Variants in DHRS7 observed in about 807,000 individuals in gnomAD.
DHRS7 encodes the protein dehydrogenase/reductase SDR family member 7.
DHRS7 carries 34 observed loss-of-function variants against 38.9 expected under a neutral mutation model. The observed-to-expected ratio is 0.87, with a 90% CI of 0.66 to 1.16. The LOEUF (loss-of-function observed/expected upper bound fraction) is 1.16. Among genes scored for constraint, DHRS7 ranks in the 50% most tolerant of loss-of-function variants. The pLI is 0.00. For missense variants in DHRS7, 421 were observed against 407.0 expected, an observed-to-expected ratio of 1.03 and a Z score of -0.30; for synonymous variants, 158 against 153.1, an observed-to-expected ratio of 1.03 and a Z score of -0.24.
At chr14:60,159,039 C>T (rs925754631) in intron 1 of DHRS7, 4 of 458,900 alleles carry the variant, frequency 8.7e-6, no homozygotes, top group Non-Finnish European at 1.7e-5. Flanking sequence ...AAACATTCAT[C>T]AAGGATTTTG....
At chr14:60,163,636 A>G (rs903469868) in intron 1 of DHRS7, among the ~76,000 whole-genome samples, 3 of 152,240 alleles carry the variant, frequency 2.0e-5, no homozygotes, top group Non-Finnish European at 4.4e-5. Context: ...AAAATTTTCA[A>G]TGATCTTAAC....
chr14:60,165,544 C>A, upstream of DHRS7: 1 of 1,266,184 alleles, frequency 7.9e-7, no homozygotes, highest in Non-Finnish European at 9.9e-7. The surrounding 1 kb of genome is among the most constrained non-coding windows in gnomAD (Gnocchi z 4.6). Flanking sequence ...CCGGCGGGGC[C>A]GGCAGATTGC....
chr14:60,152,581 C>A, intron 4 of DHRS7: 2 of 214,726 alleles, frequency 9.3e-6, no homozygotes. Flanking sequence ...AAGTGGACCC[C>A]CAATTTTCCA....
chr14:60,155,891 AT>A, intron 2 of DHRS7, 108 bp downstream of exon 2: 1 of 1,169,164 alleles, frequency 8.6e-7, no homozygotes, highest in Non-Finnish European at 1.1e-6. Flanking sequence ...CATGTAGAAC[AT>A]TTGGAGCCGG....
At chr14:60,165,415 C>G, upstream of DHRS7, 1 of 1,451,492 alleles carries the variant, frequency 6.9e-7, no homozygotes, top group East Asian at 2.6e-5. The surrounding 1 kb of genome is among the most constrained non-coding windows in gnomAD (Gnocchi z 4.6). Flanking sequence ...CCCAGAGCCG[C>G]ACTGCCCCGG....
At chr14:60,168,591 A>C, upstream of DHRS7, 1 of 1,403,376 alleles carries the variant, frequency 7.1e-7, no homozygotes, top group East Asian at 2.6e-5. Flanking sequence ...AAAAAGTTAA[A>C]AAAATTAGGT....
chr14:60,159,020 C>T, intron 1 of DHRS7: 5 of 432,148 alleles, frequency 1.2e-5, no homozygotes, highest in Non-Finnish European at 2.3e-5. Flanking sequence ...CTTCCTCTCC[C>T]AGCACCTCAA....
rs56808858 is a variant in DHRS7 at position 60,146,689 on chromosome 14, G to GTATA, written c.973-1680_973-1677dup. The GTATA allele has an allele frequency of 6.6e-6, 1 of 150,968 alleles. No individual in the cohort carries two copies. Among genetic ancestry groups the GTATA allele is most frequent in the African/African-American group, 2.4e-5 (1 of 40,970 alleles). 9.4% of individuals were successfully genotyped at this position (150,968 alleles called of 1,614,324 possible). ...AAAATGTGTGTGTGTGTCTGTGTGT[G>GTATA]TATATATATATATGGAATATTATTC... On this transcript the variant is annotated intron_variant, in intron 6 of 6. Coordinates refer to ENST00000557185, the MANE Select transcript of DHRS7 (RefSeq NM_016029.4). The surrounding 1 kb of genome is among the most constrained non-coding windows in gnomAD (Gnocchi z 4.9).
chr14:60,165,085 CG>C lies in DHRS7; in HGVS notation c.133+91del. On this transcript the variant is annotated intron_variant, in intron 1 of 6. Transcript: ENST00000557185. This position sits in a 1 kb window ranked among gnomAD's most constrained non-coding sequence, Gnocchi z 4.6. ...AGCTCCACGCAACCCACAAAGGACC[CG>C]GGATCACTGCAGAACCCCCGGAGAC... The C allele has an allele frequency of 6.7e-7, 1 of 1,500,256 alleles. No individual in the cohort carries two copies. Among genetic ancestry groups the C allele is most frequent in the Admixed American group, 1.9e-5 (1 of 52,216 alleles). The allele number at this position is 1,500,256 out of a possible 1,614,324, so 92.9% of individuals were successfully genotyped here.
rs773835300 is a variant in DHRS7, at chr14:60,165,005, G to A, written c.133+172C>T. Reference sequence around the variant, plus strand: ...AAGACAAAGGGGCTTTTTAGCCCTCGCCTCTTCCTCCCCAACCCGCAGCCC... The same window carrying A: ...AAGACAAAGGGGCTTTTTAGCCCTCACCTCTTCCTCCCCAACCCGCAGCCC... On this transcript the variant is annotated intron_variant, in intron 1 of 6. Coordinates refer to ENST00000557185, the MANE Select transcript of DHRS7 (RefSeq NM_016029.4). This position sits in a 1 kb window ranked among gnomAD's most constrained non-coding sequence, Gnocchi z 4.6. Among the ~76,000 whole-genome samples the A allele has an allele frequency of 6.6e-6, 1 of 152,188 alleles. No individual in the cohort carries two copies. The highest frequency in any genetic ancestry group is 1.5e-5 in the Non-Finnish European group (1 of 68,024).
In DHRS7 at chr14:60,153,817, G is replaced by A. The variant is rs1896599539; in HGVS notation, c.393+142C>T. The A allele has an allele frequency of 1.6e-6, 1 of 621,124 alleles. No individual in the cohort carries two copies. Among genetic ancestry groups the A allele is most frequent in the African/African-American group, 1.8e-5 (1 of 54,174 alleles). The allele number at this position is 621,124 out of a possible 1,614,324, so 38.5% of individuals were successfully genotyped here. ...AATTCCATAATGACAAAGGCTCAGA[G>A]ATTAAGGGGCCCAACTCATGGGCCC... On this transcript the variant is annotated intron_variant, in intron 3 of 6. Coordinates refer to ENST00000557185, the MANE Select transcript of DHRS7 (RefSeq NM_016029.4). The surrounding 1 kb of genome is among the most constrained non-coding windows in gnomAD (Gnocchi z 4.4).
At chr14:60,169,020 G>T (rs541137534), upstream of DHRS7, 2 of 274,968 alleles carry the variant, frequency 7.3e-6, no homozygotes, top group African/African-American at 4.4e-5. Flanking sequence ...GCTTGAGACT[G>T]CCTGGAAGGC....
upstream of DHRS7, chr14:60,165,400 G>T: frequency 1.3e-6 from 2 of 1,494,554 alleles, no homozygotes; most frequent in Non-Finnish European, 1.8e-6. The surrounding 1 kb of genome is among the most constrained non-coding windows in gnomAD (Gnocchi z 4.6). Flanking sequence ...CACCCCTTCG[G>T]CCAGCCCAGA....
Position 60,149,585 on chromosome 14 carries a change from A to T in DHRS7, c.757-17T>A. The T allele has an allele frequency of 5.8e-6, 9 of 1,565,040 alleles. No homozygotes were observed. Among genetic ancestry groups the T allele is most frequent in the Non-Finnish European group, 6.1e-6 (7 of 1,153,262 alleles). On this transcript the variant is annotated splice_polypyrimidine_tract_variant and intron_variant, in intron 5 of 6. Coordinates refer to ENST00000557185, the MANE Select transcript of DHRS7 (RefSeq NM_016029.4). ...GCCTATAGTCTAAGAAAAGTTAAAAATTAAGTGAATTTATCCAAGCGATTT... is the reference window on the plus strand; with the variant it reads ...GCCTATAGTCTAAGAAAAGTTAAAATTTAAGTGAATTTATCCAAGCGATTT...
At chr14:60,157,349 A>G (rs183642751) in intron 1 of DHRS7, among the ~76,000 whole-genome samples, 4 of 152,378 alleles carry the variant, frequency 2.6e-5, no homozygotes, top group Non-Finnish European at 5.9e-5. Context: ...CACTCAGGGC[A>G]GTATCTAGTA....
chr14:60,150,153 G>C lies in DHRS7; in HGVS notation c.668C>G (p.Thr223Arg), dbSNP rs772785162. The C allele has an allele frequency of 6.3e-7, 1 of 1,583,870 alleles. No individual in the cohort carries two copies. Among genetic ancestry groups the C allele is most frequent in the Non-Finnish European group, 8.6e-7 (1 of 1,166,470 alleles). The change falls in exon 5 of 7, where the codon ACA becomes AGA. Residue 223 changes from threonine (T) to arginine (R), a missense_variant. Transcript: ENST00000557185. ...FFNGLRTELA[T>R]YPGIIVSNIC... ...GTTAGAAACTATTATACCTGGGTATGTGGCAAGTTCTGTTCGAAGGCCATT... is the reference window on the plus strand; with the variant it reads ...GTTAGAAACTATTATACCTGGGTATCTGGCAAGTTCTGTTCGAAGGCCATT...
At chr14:60,154,905 C>T (rs187362580) in intron 2 of DHRS7, among the ~76,000 whole-genome samples, 45 of 152,126 alleles carry the variant, frequency 3.0e-4, no homozygotes, top group Non-Finnish European at 5.9e-5. Flanking sequence ...TGGCCCAGTG[C>T]AAAAACACAA....
At position 60,152,967 on chromosome 14, in the gene DHRS7, C is replaced by G. The variant is rs1221870496; in HGVS notation, c.605G>C (p.Gly202Ala). 6.2e-7 allele frequency: 1 copy of G among 1,614,118 alleles called. No individual in the cohort carries two copies. Among genetic ancestry groups the G allele is most frequent in the Admixed American group, 1.7e-5 (1 of 60,016 alleles). Residue 202 changes from glycine to alanine, a missense_variant, in exon 4 of 7, where the codon GGA (glycine) becomes GCA (alanine). Gly to Ala is a moderately conservative substitution (Grantham distance 60). Coordinates refer to ENST00000557185, the MANE Select transcript of DHRS7 (RefSeq NM_016029.4). ...GAGAGCATGCTTGCTAGCACAGTAT[C>G]CAATGGAAAGAGGTACAGATATGAT... ...LGIISVPLSI[G>A]YCASKHALRG...
At chr14:60,165,798 T>G (rs937385541), upstream of DHRS7, among the ~76,000 whole-genome samples, 16 of 152,216 alleles carry the variant, frequency 1.1e-4, no homozygotes, top group Admixed American at 2.0e-4. This position sits in a 1 kb window ranked among gnomAD's most constrained non-coding sequence, Gnocchi z 4.6. Context: ...CAAGCTTCAG[T>G]ATCTTTTCAT....
Sources: gnomAD v4.1 joint callset for allele counts (sites outside exome capture counted in the v4.1 genomes callset) on GRCh38, gnomAD v4.1.1 for gene constraint, Gnocchi (gnomAD v3.1) non-coding constraint, MANE v1.5 for transcripts, NCBI Gene and HGNC (gene_info 2026-07-23, HGNC 2026-07-21) for gene names.